EYS: variants seen among roughly 807,000 people sequenced by gnomAD.
EYS encodes protein eyes shut homolog.
A neutral mutation model predicts 282.1 loss-of-function variants in EYS; 250 were observed. The observed-to-expected ratio is 0.89, with a 90% CI of 0.80 to 0.98. The LOEUF (loss-of-function observed/expected upper bound fraction) is 0.98. Ranked by LOEUF, EYS falls within the 50% of genes least tolerant of loss-of-function variation. EYS has a pLI of 0.00. For missense variants in EYS, 4,016 were observed against 3,709.0 expected, an observed-to-expected ratio of 1.08 and a Z score of -2.15; for synonymous variants, 1,355 against 1,282.9, an observed-to-expected ratio of 1.06 and a Z score of -1.20.
At chr6:65,405,060 G>T in intron 6 of EYS, 114 bp downstream of exon 6, 1 of 754,708 alleles carries the variant, frequency 1.3e-6, no homozygotes, top group Non-Finnish European at 2.2e-6. Flanking sequence ...GTTCGTCTGA[G>T]TTTAACAATT....
At chr6:64,650,838 C>T (rs955318871) in intron 22 of EYS, among the ~76,000 whole-genome samples, 3 of 151,872 alleles carry the variant, frequency 2.0e-5, no homozygotes, top group Non-Finnish European at 2.9e-5. Flanking sequence ...AGCACATGTA[C>T]CCACTAAATA....
rs184219412 is a variant in EYS at position 63,878,754 on chromosome 6, A to G, written c.7056-14396T>C. On this transcript the variant is annotated intron_variant, in intron 35 of 42. Coordinates refer to ENST00000503581, the MANE Select transcript of EYS (RefSeq NM_001142800.2). ...CTGTGCTAGCAGTGTGTGAGGCTCT[A>G]TGGGTGTGGGACCCTCTGAGCCAGG... Among the ~76,000 whole-genome samples, 19 of 152,216 alleles carry G rather than the reference A, an allele frequency of 1.2e-4. No homozygotes were observed. The East Asian group carries it at 3.1e-3, about 25-fold the overall frequency.
intron 1 of EYS, among the ~76,000 whole-genome samples, chr6:65,662,670 G>T (rs149164737): frequency 6.6e-6 from 1 of 152,144 alleles, no homozygotes; most frequent in Non-Finnish European, 1.5e-5. Flanking sequence ...CCGTATTGAA[G>T]AAGGCAGCAT....
At chr6:65,488,965 C>T (rs765463048) in intron 5 of EYS, among the ~76,000 whole-genome samples, 1 of 152,080 alleles carries the variant, frequency 6.6e-6, no homozygotes. Context: ...ACTCCTTATA[C>T]AAAAATCAAC....
intron 26 of EYS, among the ~76,000 whole-genome samples, chr6:64,567,269 T>C (rs1403465475): frequency 6.6e-6 from 1 of 152,218 alleles, no homozygotes; most frequent in Non-Finnish European, 1.5e-5. Flanking sequence ...ATACATTTTA[T>C]AAAGTCAACA....
intron 36 of EYS, among the ~76,000 whole-genome samples, chr6:63,809,667 G>T (rs558652106): frequency 2.9e-4 from 44 of 152,060 alleles, no homozygotes; most frequent in Middle Eastern, 3.4e-3. Flanking sequence ...ACAGTCAAAA[G>T]GTATCCAGAC....
intron 13 of EYS, among the ~76,000 whole-genome samples, chr6:65,015,870 TAAA>T (rs776971479): frequency 7.7e-5 from 4 of 52,006 alleles, no homozygotes; most frequent in Admixed American, 2.8e-4. Context: ...TCGTCTCTAC[TAAA>T]AAAAAAAAAA....
chr6:65,079,461 A>G (rs1774155386), intron 12 of EYS, among the ~76,000 whole-genome samples: 1 of 152,114 alleles, frequency 6.6e-6, no homozygotes, highest in Admixed American at 6.6e-5. Flanking sequence ...ATCAATTCCA[A>G]TGAAAAGTTA....
intron 22 of EYS, among the ~76,000 whole-genome samples, chr6:64,789,685 C>G (rs1053278864): frequency 2.0e-5 from 3 of 152,104 alleles, no homozygotes; most frequent in Non-Finnish European, 2.9e-5. Flanking sequence ...CTGTACACCA[C>G]TTCCTGTGCT....
At chr6:65,442,785 A>C (rs1315740008) in intron 5 of EYS, among the ~76,000 whole-genome samples, 1 of 121,734 alleles carries the variant, frequency 8.2e-6, no homozygotes, top group South Asian at 2.6e-4. Context: ...AAAAATTAAA[A>C]AAAAATATAT....
intron 28 of EYS, among the ~76,000 whole-genome samples, chr6:64,404,081 A>G (rs1467944072): frequency 6.6e-6 from 1 of 152,140 alleles, no homozygotes; most frequent in African/African-American, 2.4e-5. Context: ...AAAATTGGGG[A>G]GTAAATCCCT....
intron 26 of EYS, among the ~76,000 whole-genome samples, chr6:64,576,345 T>C (rs1211722555): frequency 6.6e-6 from 1 of 152,088 alleles, no homozygotes; most frequent in East Asian, 1.9e-4. Flanking sequence ...GTAATGAATA[T>C]ATGCCCAACC....
chr6:65,516,293 C>T (rs1304690269), intron 2 of EYS, among the ~76,000 whole-genome samples: 8 of 152,066 alleles, frequency 5.3e-5, no homozygotes, highest in Non-Finnish European at 1.5e-5. Context: ...CAATATTTCT[C>T]ATGGAAATCT....
At chr6:65,663,942 G>C (rs1342404992) in intron 1 of EYS, among the ~76,000 whole-genome samples, 1 of 144,786 alleles carries the variant, frequency 6.9e-6, no homozygotes, top group African/African-American at 2.6e-5. Flanking sequence ...CGCAATCTCG[G>C]ATCACTGCAA....
intron 2 of EYS, among the ~76,000 whole-genome samples, chr6:65,535,201 T>G (rs1213574880): frequency 6.6e-6 from 1 of 152,150 alleles, no homozygotes; most frequent in Non-Finnish European, 1.5e-5. Flanking sequence ...GGAATGCCCA[T>G]GTAGTTCCAG....
chr6:64,432,820 T>C (rs1774616984), intron 28 of EYS, among the ~76,000 whole-genome samples: 1 of 152,056 alleles, frequency 6.6e-6, no homozygotes, highest in African/African-American at 2.4e-5. Flanking sequence ...ACATACTCTA[T>C]GCTATTTTTC....
intron 12 of EYS, among the ~76,000 whole-genome samples, chr6:65,287,916 G>T (rs1768414559): frequency 6.6e-6 from 1 of 150,900 alleles, no homozygotes; most frequent in South Asian, 2.1e-4. Flanking sequence ...TATTCTATTT[G>T]GTTAGATTAG....
chr6:64,149,351 C>G (rs1774625325), intron 31 of EYS, among the ~76,000 whole-genome samples: 1 of 152,148 alleles, frequency 6.6e-6, no homozygotes, highest in South Asian at 2.1e-4. Flanking sequence ...GCAAGTCCTC[C>G]CACATATCCA....
chr6:64,616,979 A>G (rs1439622145), intron 24 of EYS, among the ~76,000 whole-genome samples: 2 of 152,118 alleles, frequency 1.3e-5, no homozygotes, highest in African/African-American at 2.4e-5. Flanking sequence ...AGTTCAGGCC[A>G]GTTCAAACTT....
Sources: allele counts gnomAD v4.1 joint callset (sites outside exome capture counted in the v4.1 genomes callset), GRCh38; gene constraint gnomAD v4.1.1; transcripts MANE v1.5; gene names NCBI Gene and HGNC (gene_info 2026-07-23, HGNC 2026-07-21).